OSBPL10: variants seen among roughly 807,000 people sequenced by gnomAD.
OSBPL10 encodes the protein oxysterol-binding protein-related protein 10.
Under a neutral mutation model 81.7 loss-of-function variants are expected in OSBPL10, and 49 were observed. That is an observed-to-expected ratio of 0.60 (90% CI 0.48 to 0.76). The LOEUF is 0.76. OSBPL10 is among the 30% of genes least tolerant of loss of function. The probability of loss-of-function intolerance (pLI) is 0.00; values close to 1 mark genes in which losing one functional copy is unlikely to be tolerated. For synonymous variants in OSBPL10, 419 were observed against 383.6 expected (o/e 1.09, Z -1.08); for missense variants, 923 against 987.8 (o/e 0.93, Z 0.88).
chr3:31,932,320 T>A (rs1697271789), intron 1 of OSBPL10, among the ~76,000 whole-genome samples: 1 of 152,178 alleles, frequency 6.6e-6, no homozygotes, highest in Non-Finnish European at 1.5e-5. Flanking sequence ...CTTAAAACTT[T>A]CCTTACCTCC....
intron 1 of OSBPL10, among the ~76,000 whole-genome samples, chr3:31,906,209 C>G (rs1429229689): frequency 6.6e-6 from 1 of 152,156 alleles, no homozygotes; most frequent in Non-Finnish European, 1.5e-5. Flanking sequence ...ACAACTACCT[C>G]TTAAATTATT....
At chr3:31,987,031 A>G (rs1244212453) in intron 2 of OSBPL10, among the ~76,000 whole-genome samples, 2 of 152,048 alleles carry the variant, frequency 1.3e-5, no homozygotes, top group Admixed American at 6.6e-5. Flanking sequence ...CTAAAAAATT[A>G]TTTCTAAACC....
intron 11 of OSBPL10, chr3:31,663,003 A>G: frequency 1.0e-6 from 1 of 985,474 alleles, no homozygotes; most frequent in Non-Finnish European, 1.2e-6. Flanking sequence ...AATCTCCTTC[A>G]GTCCACAGCC....
intron 3 of OSBPL10, among the ~76,000 whole-genome samples, chr3:31,876,009 T>C (rs1027926418): frequency 3.3e-5 from 5 of 152,032 alleles, no homozygotes; most frequent in African/African-American, 1.2e-4. Context: ...TTTGATACAC[T>C]AGGAATGCAG....
chr3:31,908,590 G>T (rs888623762), intron 1 of OSBPL10, among the ~76,000 whole-genome samples: 2 of 152,158 alleles, frequency 1.3e-5, no homozygotes, highest in Non-Finnish European at 2.9e-5. Context: ...AATTGTGTCG[G>T]ATGTAGTTCA....
intron 3 of OSBPL10, among the ~76,000 whole-genome samples, chr3:31,839,522 A>G (rs539506302): frequency 6.6e-6 from 1 of 152,318 alleles, no homozygotes; most frequent in East Asian, 1.9e-4. Flanking sequence ...AAAAAAAGAA[A>G]AAAAACTTGA....
chr3:31,870,881 A>G (rs1175599665), intron 3 of OSBPL10, among the ~76,000 whole-genome samples: 1 of 152,008 alleles, frequency 6.6e-6, no homozygotes, highest in African/African-American at 2.4e-5. Context: ...GAGTACACCA[A>G]TCGACACTCT....
chr3:31,777,010 C>T (rs780880603), intron 4 of OSBPL10, among the ~76,000 whole-genome samples: 4 of 152,154 alleles, frequency 2.6e-5, no homozygotes, highest in Non-Finnish European at 5.9e-5. Context: ...AAATTCTTTA[C>T]CCATCTCAAG....
At chr3:31,973,811 C>T (rs979148813) in intron 1 of OSBPL10, among the ~76,000 whole-genome samples, 7 of 152,194 alleles carry the variant, frequency 4.6e-5, no homozygotes, top group Non-Finnish European at 8.8e-5. Flanking sequence ...GATGGATACA[C>T]GAGCAATTCT....
Position 31,661,911 on chromosome 3 carries a change from G to A in OSBPL10, c.*161C>T. On this transcript the variant is annotated 3_prime_UTR_variant, in exon 12 of 12. Coordinates refer to ENST00000396556, the MANE Select transcript of OSBPL10 (RefSeq NM_017784.5). Reference sequence around the variant, plus strand: ...AATAAATTCATTCCTCTAGCAGAGTGTGGGGGTGCACTTTTCATAGTATAT... The same window carrying A: ...AATAAATTCATTCCTCTAGCAGAGTATGGGGGTGCACTTTTCATAGTATAT... 2 of 1,039,096 alleles carry A rather than the reference G, an allele frequency of 1.9e-6. No individual in the cohort carries two copies. The highest frequency in any genetic ancestry group is 2.8e-6 in the Non-Finnish European group (2 of 723,304). 64.4% of individuals were successfully genotyped at this position (1,039,096 alleles called of 1,614,324 possible).
chr3:31,709,595 T>G (rs1287333245), intron 6 of OSBPL10, among the ~76,000 whole-genome samples: 10 of 151,516 alleles, frequency 6.6e-5, no homozygotes, highest in African/African-American at 2.2e-4. Flanking sequence ...AAAAAAGAAA[T>G]CAAGAAATAG....
At chr3:31,687,468 T>TA (rs553961705) in intron 7 of OSBPL10, among the ~76,000 whole-genome samples, 2,308 of 148,480 alleles carry the variant, frequency 0.016, 29 homozygotes, top group Middle Eastern at 0.024. Context: ...CTGAAGGATT[T>TA]AAAAAAAAAA....
At chr3:31,953,248 T>C (rs9835227) in intron 1 of OSBPL10, among the ~76,000 whole-genome samples, 4,327 of 152,072 alleles carry the variant, frequency 0.028, 217 homozygotes, top group African/African-American at 0.1. Flanking sequence ...ATACTTTTAA[T>C]ATGCAGAAAG....
At chr3:31,784,516 T>C (rs1289048399) in intron 4 of OSBPL10, among the ~76,000 whole-genome samples, 1 of 152,216 alleles carries the variant, frequency 6.6e-6, no homozygotes, top group Non-Finnish European at 1.5e-5. Context: ...AATATGCATG[T>C]ACAAGTTATG....
intron 1 of OSBPL10, among the ~76,000 whole-genome samples, chr3:31,910,672 G>A (rs1696550033): frequency 6.6e-6 from 1 of 151,912 alleles, no homozygotes; most frequent in Admixed American, 6.6e-5. Flanking sequence ...AGAATTCAGA[G>A]TCTGGGAAGC....
At chr3:31,676,413 CA>C (rs1278585338) in intron 8 of OSBPL10, among the ~76,000 whole-genome samples, 1 of 150,328 alleles carries the variant, frequency 6.7e-6, no homozygotes, top group African/African-American at 2.4e-5. Flanking sequence ...AAAAAAACAT[CA>C]AATAATCAAT....
chr3:31,852,920 A>C (rs1177682318), intron 3 of OSBPL10, among the ~76,000 whole-genome samples: 1 of 152,144 alleles, frequency 6.6e-6, no homozygotes, highest in East Asian at 1.9e-4. Flanking sequence ...ACATGATGAG[A>C]ATCTAGGAAT....
At chr3:31,842,635 CAT>C (rs1342416877) in intron 3 of OSBPL10, among the ~76,000 whole-genome samples, 2 of 152,214 alleles carry the variant, frequency 1.3e-5, no homozygotes, top group African/African-American at 4.8e-5. Flanking sequence ...CATGGTAGTA[CAT>C]GAGAGTTTTT....
intron 1 of OSBPL10, among the ~76,000 whole-genome samples, chr3:31,956,224 TAG>T (rs887175896): frequency 6.6e-6 from 1 of 152,192 alleles, no homozygotes; most frequent in African/African-American, 2.4e-5. Context: ...AAATGCCTGC[TAG>T]AGAGTAAAAC....
Sources: gnomAD v4.1 joint callset for allele counts (sites outside exome capture counted in the v4.1 genomes callset) on GRCh38, gnomAD v4.1.1 for gene constraint, MANE v1.5 for transcripts, NCBI Gene and HGNC (gene_info 2026-07-23, HGNC 2026-07-21) for gene names.